The following LIMCH1 variants were observed in gnomAD, a reference collection of about 807,000 sequenced individuals.
LIMCH1 encodes the protein LIM and calponin homology domains-containing protein 1.
A neutral mutation model predicts 176.5 loss-of-function variants in LIMCH1; 113 were observed. The observed-to-expected ratio is 0.64, with a 90% CI of 0.55 to 0.75. The LOEUF is 0.75. LIMCH1 is among the 30% of genes least tolerant of loss of function. The pLI is 0.00. For missense variants in LIMCH1, 1,674 were observed against 1,814.9 expected (o/e 0.92, Z 1.41); for synonymous variants, 619 against 645.9 (o/e 0.96, Z 0.63).
chr4:41,599,213 A>T, intron 2 of LIMCH1, 187 bp downstream of exon 2: 1 of 432,770 alleles, frequency 2.3e-6, no homozygotes, highest in South Asian at 4.5e-5. Context: ...TTTCATTCTG[A>T]TCAAACATCA....
At chr4:41,397,366 G>A (rs979304794) in intron 1 of LIMCH1, among the ~76,000 whole-genome samples, 13 of 152,094 alleles carry the variant, frequency 8.5e-5, no homozygotes, top group Non-Finnish European at 1.9e-4. Context: ...GTTTGAGACA[G>A]GTTTATTTGT....
At chr4:41,661,834 C>G in intron 19 of LIMCH1, 1 of 381,618 alleles carries the variant, frequency 2.6e-6, no homozygotes, top group Non-Finnish European at 4.8e-6. Flanking sequence ...TTTTGACACA[C>G]AGTAACAGCA....
At chr4:41,684,644 G>A in intron 27 of LIMCH1, 126 bp downstream of exon 27, 2 of 1,014,972 alleles carry the variant, frequency 2.0e-6, no homozygotes, top group East Asian at 5.1e-5. Flanking sequence ...TCTAGCTTAT[G>A]CCCAATATAT....
chr4:41,693,287 GC>G, intron 31 of LIMCH1: 1 of 152,256 alleles, frequency 6.6e-6, no homozygotes, highest in African/African-American at 2.4e-5. Flanking sequence ...CGTTTTTACT[GC>G]CTTTTTACAT....
At chr4:41,504,847 A>T (rs1268060185) in intron 2 of LIMCH1, among the ~76,000 whole-genome samples, 1 of 152,230 alleles carries the variant, frequency 6.6e-6, no homozygotes. Flanking sequence ...GAATTCCTTC[A>T]TTAAATCCTA....
chr4:41,671,976 G>A (rs1032888460), intron 22 of LIMCH1, among the ~76,000 whole-genome samples: 1 of 150,868 alleles, frequency 6.6e-6, no homozygotes, highest in African/African-American at 2.4e-5. Context: ...CATATATAAC[G>A]CCATTGGGTA....
rs557960121 is a variant in LIMCH1, at chr4:41,505,530, C to G, written c.167+10924C>G. Among the ~76,000 whole-genome samples the G allele has an allele frequency of 7.9e-5, 12 of 152,240 alleles. No homozygotes were observed. The East Asian group carries it at 2.3e-3, about 29-fold the overall frequency. On this transcript the variant is annotated intron_variant, in intron 2 of 26. Transcript: ENST00000313860. The stretch of plus-strand genomic sequence containing the variant: ...GGGACTAGAGTGATTGTTTTGAAAA[C>G]AATAACCCTGACCTCTGTGGTGATG...
At chr4:41,471,570 G>A (rs1038937343) in intron 1 of LIMCH1, among the ~76,000 whole-genome samples, 3 of 152,104 alleles carry the variant, frequency 2.0e-5, no homozygotes, top group Non-Finnish European at 4.4e-5. Flanking sequence ...ATGAAAATTG[G>A]GGAATTACTT....
intron 1 of LIMCH1, among the ~76,000 whole-genome samples, chr4:41,433,604 G>T (rs1377135859): frequency 6.6e-6 from 1 of 152,078 alleles, no homozygotes; most frequent in Non-Finnish European, 1.5e-5. Flanking sequence ...TCATAGCATG[G>T]TGGTTTCAGG....
intron 1 of LIMCH1, among the ~76,000 whole-genome samples, chr4:41,444,722 C>T (rs2063095997): frequency 6.6e-6 from 1 of 152,202 alleles, no homozygotes; most frequent in Non-Finnish European, 1.5e-5. Context: ...AGTTGGTCAT[C>T]ACAGCAATGG....
chr4:41,459,101 T>C (rs971827211), intron 1 of LIMCH1, among the ~76,000 whole-genome samples: 12 of 152,352 alleles, frequency 7.9e-5, no homozygotes, highest in African/African-American at 2.6e-4. Flanking sequence ...TTATGATTTC[T>C]GAGATACTTT....
chr4:41,527,525 G>A (rs745801244), intron 3 of LIMCH1, among the ~76,000 whole-genome samples: 5 of 152,142 alleles, frequency 3.3e-5, no homozygotes, highest in Non-Finnish European at 7.3e-5. Context: ...CACTGTCAGC[G>A]TCATTAAAAA....
chr4:41,562,288 C>T (rs1312482652), intron 1 of LIMCH1, among the ~76,000 whole-genome samples: 4 of 152,154 alleles, frequency 2.6e-5, no homozygotes, highest in African/African-American at 7.2e-5. Context: ...TTGGGGTGTA[C>T]GAGTTTTCCT....
intron 1 of LIMCH1, among the ~76,000 whole-genome samples, chr4:41,463,082 A>C (rs2065609958): frequency 6.6e-6 from 1 of 151,220 alleles, no homozygotes; most frequent in African/African-American, 2.4e-5. Context: ...ATATTTAACC[A>C]ATTGTCTTCT....
intron 1 of LIMCH1, among the ~76,000 whole-genome samples, chr4:41,591,411 T>C (rs2087537780): frequency 6.6e-6 from 1 of 151,978 alleles, no homozygotes; most frequent in Admixed American, 6.6e-5. Context: ...CCAGCTAATT[T>C]TTTAAAAAAC....
At chr4:41,494,337 A>T (rs1025236922) in intron 1 of LIMCH1, among the ~76,000 whole-genome samples, 9 of 149,736 alleles carry the variant, frequency 6.0e-5, no homozygotes, top group Non-Finnish European at 1.0e-4. Context: ...ATATATACAC[A>T]TACATATATA....
rs1448625603 is a variant in LIMCH1 at position 41,663,789 on chromosome 4, A to C, written c.3291+805A>C. ...TCCCAGCACTTTGGGAGGCCAGGGC[A>C]GGAGGATCACTTGAGCCCAGGAGTT... On this transcript the variant is annotated intron_variant, in intron 20 of 31. Coordinates refer to ENST00000503057, the MANE Select transcript of LIMCH1 (RefSeq NM_001330672.2). 2.0e-5 allele frequency among the ~76,000 whole-genome samples: 3 copies of C among 146,748 alleles called. No homozygotes were observed. The East Asian group carries it at 6.1e-4, about 30-fold the overall frequency.
rs138213439 is a variant in LIMCH1 at position 41,613,585 on chromosome 4, C to T, written c.129C>T (p.Phe43=). The T allele has an allele frequency of 1.9e-5, 30 of 1,614,166 alleles. No individual in the cohort carries two copies. The South Asian group carries it at 2.5e-4, about 14-fold the overall frequency. Residue 43 remains phenylalanine (F), a synonymous_variant, in exon 5 of 32, where the codon TTC becomes TTT. Coordinates refer to ENST00000503057, the MANE Select transcript of LIMCH1 (RefSeq NM_001330672.2). ...SPPRHGRDDS[F]DSLDSFGSRS... Reference sequence around the variant, plus strand: ...CTCGCCACGGCAGAGATGATTCCTTCGACAGCCTGGATTCCTTTGGCTCTC... The same window carrying T: ...CTCGCCACGGCAGAGATGATTCCTTTGACAGCCTGGATTCCTTTGGCTCTC...
intron 18 of LIMCH1, among the ~76,000 whole-genome samples, chr4:41,651,869 AT>A (rs1405620441): frequency 2.0e-5 from 3 of 152,224 alleles, no homozygotes; most frequent in African/African-American, 7.2e-5. Flanking sequence ...AGAAGACATC[AT>A]TGGGAAAATT....
Sources: gnomAD v4.1 joint callset for allele counts (sites outside exome capture counted in the v4.1 genomes callset) on GRCh38, gnomAD v4.1.1 for gene constraint, MANE v1.5 for transcripts, NCBI Gene and HGNC (gene_info 2026-07-23, HGNC 2026-07-21) for gene names.